BRINP1: variants seen among roughly 807,000 people sequenced by gnomAD.
The protein encoded by BRINP1 is BMP/retinoic acid inducible neural specific 1, also known as BMP/retinoic acid-inducible neural-specific protein 1.
Under a neutral mutation model 72.9 loss-of-function variants are expected in BRINP1, and 17 were observed. The ratio of observed to expected loss-of-function variants is 0.23; its 90% CI spans 0.16 to 0.35. The LOEUF (loss-of-function observed/expected upper bound fraction) is 0.35. Among genes scored for constraint, BRINP1 ranks in the 10% least tolerant of loss-of-function variants. BRINP1 has a pLI of 1.00. For synonymous variants in BRINP1, 418 were observed against 378.5 expected, an observed-to-expected ratio of 1.10 and a Z score of -1.21; for missense variants, 850 against 1,001.6, an observed-to-expected ratio of 0.85 and a Z score of 2.04.
intron 1 of BRINP1, among the ~76,000 whole-genome samples, chr9:119,320,413 T>C (rs143320412): frequency 4.6e-5 from 7 of 152,330 alleles, no homozygotes; most frequent in Non-Finnish European, 1.0e-4. Flanking sequence ...TCAGGTACTC[T>C]TCTAGAAGAT....
intron 1 of BRINP1, among the ~76,000 whole-genome samples, chr9:119,351,637 C>T (rs1312721848): frequency 6.6e-6 from 1 of 152,106 alleles, no homozygotes; most frequent in Non-Finnish European, 1.5e-5. Context: ...TCACATATCA[C>T]TTGTACCCTC....
intron 2 of BRINP1, among the ~76,000 whole-genome samples, chr9:119,285,638 A>T (rs1035953995): frequency 5.9e-5 from 9 of 152,192 alleles, no homozygotes; most frequent in African/African-American, 2.2e-4. Context: ...AATAGCATAG[A>T]GGGAACTTCA....
chr9:119,281,144 T>C (rs1379583320), intron 2 of BRINP1, among the ~76,000 whole-genome samples: 3 of 152,142 alleles, frequency 2.0e-5, no homozygotes, highest in African/African-American at 7.2e-5. Flanking sequence ...AGTGTAGAAA[T>C]GTGACAGGCT....
At chr9:119,359,614 C>T (rs545756101) in intron 1 of BRINP1, among the ~76,000 whole-genome samples, 2 of 152,176 alleles carry the variant, frequency 1.3e-5, no homozygotes, top group Non-Finnish European at 2.9e-5. Flanking sequence ...GGTATTCAAA[C>T]TCCAGCAGAC....
chr9:119,247,842 A>G (rs1221123), intron 3 of BRINP1, among the ~76,000 whole-genome samples: 150,189 of 152,272 alleles, frequency 0.99, 74,104 homozygotes, highest in Middle Eastern at 1. Context: ...AGTTTTGAGG[A>G]CTAAAGACAA....
At chr9:119,293,286 C>T (rs1830840652) in intron 2 of BRINP1, among the ~76,000 whole-genome samples, 1 of 151,584 alleles carries the variant, frequency 6.6e-6, no homozygotes, top group Non-Finnish European at 1.5e-5. Context: ...GTTTCTTTTT[C>T]CTTTTTTTTT....
intron 1 of BRINP1, among the ~76,000 whole-genome samples, chr9:119,334,653 T>C (rs1831330919): frequency 1.3e-5 from 2 of 152,138 alleles, no homozygotes; most frequent in South Asian, 2.1e-4. Flanking sequence ...ACTTGGTCTC[T>C]GCACCTGTGC....
intron 7 of BRINP1, among the ~76,000 whole-genome samples, chr9:119,198,222 T>C (rs576969919): frequency 8.5e-5 from 13 of 152,348 alleles, no homozygotes; most frequent in South Asian, 6.2e-4. Flanking sequence ...ATGTATACAT[T>C]TTAGGATTTC....
At chr9:119,350,164 A>G (rs1831492406) in intron 1 of BRINP1, among the ~76,000 whole-genome samples, 1 of 152,132 alleles carries the variant, frequency 6.6e-6, no homozygotes, top group African/African-American at 2.4e-5. Flanking sequence ...TGTGGTGGGG[A>G]CACACACCAG....
intron 1 of BRINP1, among the ~76,000 whole-genome samples, chr9:119,363,552 C>T (rs1344636199): frequency 6.6e-6 from 1 of 152,226 alleles, no homozygotes; most frequent in East Asian, 1.9e-4. Context: ...CATCCACATT[C>T]CTTTCTACCA....
chr9:119,277,455 C>G (rs543399838), intron 2 of BRINP1, among the ~76,000 whole-genome samples: 1 of 152,196 alleles, frequency 6.6e-6, no homozygotes, highest in East Asian at 1.9e-4. Context: ...AGGATGTTTA[C>G]CCCCTGGAAA....
chr9:119,344,179 G>A (rs1831430079), intron 1 of BRINP1, among the ~76,000 whole-genome samples: 1 of 152,154 alleles, frequency 6.6e-6, no homozygotes, highest in African/African-American at 2.4e-5. Context: ...TTCTTGATTG[G>A]TAAAATCTGG....
chr9:119,263,700 T>C (rs928961606), intron 2 of BRINP1, among the ~76,000 whole-genome samples: 7 of 137,524 alleles, frequency 5.1e-5, no homozygotes, highest in African/African-American at 1.1e-4. Flanking sequence ...CTCCGCCTCC[T>C]GGGTTCACGC....
chr9:119,344,396 T>C (rs1230163151), intron 1 of BRINP1, among the ~76,000 whole-genome samples: 3 of 152,242 alleles, frequency 2.0e-5, no homozygotes, highest in African/African-American at 7.2e-5. Flanking sequence ...TTACTCTTTC[T>C]CCTGCACTGT....
intron 1 of BRINP1, among the ~76,000 whole-genome samples, chr9:119,313,731 C>T (rs1227518925): frequency 6.6e-6 from 1 of 152,078 alleles, no homozygotes; most frequent in Non-Finnish European, 1.5e-5. Flanking sequence ...GAGCCTGTAT[C>T]TTGGCACTTG....
At chr9:119,173,196 C>T (rs577424410) in intron 7 of BRINP1, among the ~76,000 whole-genome samples, 433 of 151,012 alleles carry the variant, frequency 2.9e-3, no homozygotes, top group Non-Finnish European at 5.0e-3. Flanking sequence ...CAAATTGTCC[C>T]TGTTTGCAGA....
At chr9:119,269,758 T>C (rs1830589665) in intron 2 of BRINP1, among the ~76,000 whole-genome samples, 2 of 152,242 alleles carry the variant, frequency 1.3e-5, no homozygotes, top group South Asian at 4.1e-4. Flanking sequence ...TTCACATGAT[T>C]CATTCATTCA....
chr9:119,321,577 C>G (rs1005436906), intron 1 of BRINP1, among the ~76,000 whole-genome samples: 3 of 152,140 alleles, frequency 2.0e-5, no homozygotes, highest in South Asian at 4.1e-4. Flanking sequence ...ACCGCATCAG[C>G]GATCCTCCTG....
chr9:119,334,915 A>G (rs1831333363), intron 1 of BRINP1, among the ~76,000 whole-genome samples: 1 of 152,106 alleles, frequency 6.6e-6, no homozygotes, highest in Admixed American at 6.5e-5. Context: ...GCCTTAGCAA[A>G]GCAAATATTA....
Sources: allele counts gnomAD v4.1 joint callset (sites outside exome capture counted in the v4.1 genomes callset), GRCh38; gene constraint gnomAD v4.1.1; transcripts MANE v1.5; gene names NCBI Gene and HGNC (gene_info 2026-07-23, HGNC 2026-07-21).